RPTOR: variants seen among roughly 807,000 people sequenced by gnomAD.
RPTOR encodes regulatory associated protein of MTOR complex 1, also known as regulatory-associated protein of mTOR.
In RPTOR, 21 loss-of-function variants were observed where a neutral mutation model predicts 169.9. That is an observed-to-expected ratio of 0.12 (90% confidence interval 0.09 to 0.18). RPTOR has a LOEUF of 0.18. RPTOR is among the 10% of genes least tolerant of loss of function. The probability of loss-of-function intolerance (pLI) is 1.00; values close to 1 mark genes in which losing one functional copy is unlikely to be tolerated. For missense variants in RPTOR, 1,133 were observed against 1,855.9 expected, an observed-to-expected ratio of 0.61 and a Z score of 7.16; for synonymous variants, 732 against 753.2, an observed-to-expected ratio of 0.97 and a Z score of 0.46.
intron 13 of RPTOR, among the ~76,000 whole-genome samples, chr17:80,873,864 C>T (rs753063710): frequency 2.0e-5 from 3 of 152,180 alleles, no homozygotes; most frequent in Admixed American, 6.5e-5. Context: ...AGGGACAGTG[C>T]GTCAGGCCCG....
At chr17:80,910,816 C>T (rs1455068269) in intron 21 of RPTOR, among the ~76,000 whole-genome samples, 11 of 150,602 alleles carry the variant, frequency 7.3e-5, no homozygotes, top group South Asian at 2.1e-4. Context: ...ATCACCTTAC[C>T]GTCTGCAGTT....
chr17:80,563,132 A>G (rs2084522283), intron 1 of RPTOR, among the ~76,000 whole-genome samples: 1 of 152,180 alleles, frequency 6.6e-6, no homozygotes, highest in Non-Finnish European at 1.5e-5. Flanking sequence ...ACCACTGTGC[A>G]GCCTTTTACT....
At chr17:80,669,462 G>A (rs1274419912) in intron 3 of RPTOR, among the ~76,000 whole-genome samples, 18 of 152,294 alleles carry the variant, frequency 1.2e-4, no homozygotes, top group South Asian at 2.1e-4. Flanking sequence ...TCAGCTCACC[G>A]CAACCTCCGC....
At chr17:80,630,516 C>T (rs897934906) in intron 2 of RPTOR, among the ~76,000 whole-genome samples, 2 of 152,188 alleles carry the variant, frequency 1.3e-5, no homozygotes, top group Non-Finnish European at 2.9e-5. Context: ...GCAGAAATTT[C>T]TTCTTTCTCA....
chr17:80,901,109 G>A (rs1392250561), intron 20 of RPTOR, among the ~76,000 whole-genome samples: 2 of 152,206 alleles, frequency 1.3e-5, no homozygotes, highest in Non-Finnish European at 2.9e-5. Flanking sequence ...GACTGCGGAG[G>A]CCCCGCCCAA....
chr17:80,961,549 G>T (rs576593789), intron 31 of RPTOR, 69 bp downstream of exon 31: 2 of 1,464,828 alleles, frequency 1.4e-6, no homozygotes, highest in African/African-American at 2.8e-5. Flanking sequence ...TTTAAAATAC[G>T]TCCTTGGTAT....
At chr17:80,749,949 C>G (rs2143315003) in intron 5 of RPTOR, among the ~76,000 whole-genome samples, 1 of 152,210 alleles carries the variant, frequency 6.6e-6, no homozygotes, top group East Asian at 1.9e-4. Context: ...CTCCAGAGCT[C>G]AAGCAATCCT....
chr17:80,784,298 T>C (rs1262301191), intron 6 of RPTOR, among the ~76,000 whole-genome samples: 1 of 152,148 alleles, frequency 6.6e-6, no homozygotes, highest in Non-Finnish European at 1.5e-5. Flanking sequence ...TTTGGCACAT[T>C]AATTTCATGT....
intron 20 of RPTOR, among the ~76,000 whole-genome samples, chr17:80,904,619 G>A (rs539135707): frequency 3.3e-5 from 5 of 152,200 alleles, no homozygotes; most frequent in Non-Finnish European, 7.3e-5. Flanking sequence ...GTGAGTGCCA[G>A]CAGGGGCCCT....
chr17:80,927,890 G>T (rs762491290), intron 24 of RPTOR, among the ~76,000 whole-genome samples: 10 of 152,062 alleles, frequency 6.6e-5, no homozygotes, highest in Non-Finnish European at 1.2e-4. Context: ...GGAGCTGGAG[G>T]GTGTCAGCCT....
chr17:80,835,254 T>C (rs1478383696), intron 9 of RPTOR, among the ~76,000 whole-genome samples: 1 of 152,214 alleles, frequency 6.6e-6, no homozygotes, highest in Non-Finnish European at 1.5e-5. Flanking sequence ...CTTAAACTTT[T>C]ACTTTTTTTT....
intron 13 of RPTOR, among the ~76,000 whole-genome samples, chr17:80,865,518 G>A (rs2067978311): frequency 6.6e-6 from 1 of 152,144 alleles, no homozygotes; most frequent in Admixed American, 6.5e-5. Flanking sequence ...TCAGACAGAG[G>A]AGGTTTGGGA....
chr17:80,639,392 G>T (rs905185060), intron 2 of RPTOR, among the ~76,000 whole-genome samples: 3 of 151,946 alleles, frequency 2.0e-5, no homozygotes, highest in African/African-American at 7.3e-5. Context: ...TTCACTGAAG[G>T]ATAGCACACA....
intron 20 of RPTOR, among the ~76,000 whole-genome samples, chr17:80,894,349 G>C (rs1414009692): frequency 6.6e-6 from 1 of 152,352 alleles, no homozygotes; most frequent in African/African-American, 2.4e-5. Flanking sequence ...TCCGCAGTGA[G>C]AGGCGGAGGG....
chr17:80,621,485 TC>T (rs1047444713), intron 1 of RPTOR, among the ~76,000 whole-genome samples: 7 of 152,132 alleles, frequency 4.6e-5, no homozygotes, highest in African/African-American at 7.2e-5. Context: ...CTCTGCCGCC[TC>T]CCCAGCCCCG....
At chr17:80,922,913 C>G (rs1252601625) in intron 22 of RPTOR, 86 bp downstream of exon 22, 1 of 1,113,240 alleles carries the variant, frequency 9.0e-7, no homozygotes, top group African/African-American at 1.6e-5. Flanking sequence ...CCTCCCCATC[C>G]TCCTCCTTCC....
chr17:80,709,303 G>T (rs182012711), intron 4 of RPTOR, among the ~76,000 whole-genome samples: 1 of 152,208 alleles, frequency 6.6e-6, no homozygotes, highest in South Asian at 2.1e-4. Context: ...GGCCCCTGGC[G>T]TGTCTTTCTC....
At chr17:80,744,108 G>A (rs2066530318) in intron 5 of RPTOR, among the ~76,000 whole-genome samples, 4 of 111,458 alleles carry the variant, frequency 3.6e-5, no homozygotes, top group East Asian at 2.3e-4. Context: ...TACTAGCACA[G>A]CCCTGGTTAC....
In RPTOR at chr17:80,740,497, C is replaced by T. The variant is rs1353743852; in HGVS notation, c.654+9791C>T. Among the ~76,000 whole-genome samples, 3 of 152,182 alleles carry T rather than the reference C, an allele frequency of 2.0e-5. No individual in the cohort carries two copies. In the East Asian group the frequency reaches 5.8e-4, roughly 29 times the overall value. ...TAAAAAACAGCAAACCAATATCTGT[C>T]ACAAACTTAGATGCCAAAATCCTCA... On this transcript the variant is annotated intron_variant, in intron 5 of 33. Transcript: ENST00000306801.
Sources: gnomAD v4.1 joint callset for allele counts (sites outside exome capture counted in the v4.1 genomes callset) on GRCh38, gnomAD v4.1.1 for gene constraint, MANE v1.5 for transcripts, NCBI Gene and HGNC (gene_info 2026-07-23, HGNC 2026-07-21) for gene names.